The following CNTN5 variants were observed in gnomAD, a reference collection of about 807,000 sequenced individuals.
CNTN5 encodes contactin 5.
In CNTN5, 77 loss-of-function variants were observed where a neutral mutation model predicts 129.1. The ratio of observed to expected loss-of-function variants is 0.60; its 90% confidence interval spans 0.50 to 0.72. The LOEUF is 0.72. Among genes scored for constraint, CNTN5 ranks in the 30% least tolerant of loss-of-function variants. The probability of loss-of-function intolerance (pLI) is 0.00; values close to 1 mark genes in which losing one functional copy is unlikely to be tolerated. For missense variants in CNTN5, 1,478 were observed against 1,328.8 expected (o/e 1.11, Z -1.75); for synonymous variants, 509 against 465.6 (o/e 1.09, Z -1.20).
chr11:99,884,852 T>C (rs550227155), intron 6 of CNTN5, among the ~76,000 whole-genome samples: 2 of 152,032 alleles, frequency 1.3e-5, no homozygotes, highest in African/African-American at 4.8e-5. Flanking sequence ...TGGCATGTGC[T>C]TGTAGTCCCA....
At chr11:99,557,031 A>T (rs78857265) in intron 3 of CNTN5, among the ~76,000 whole-genome samples, 3,037 of 151,342 alleles carry the variant, frequency 0.02, 111 homozygotes, top group African/African-American at 0.069. Flanking sequence ...ATTATATTTA[A>T]ATCAGTACCT....
At chr11:99,602,887 C>T (rs368737788) in intron 3 of CNTN5, among the ~76,000 whole-genome samples, 2 of 129,094 alleles carry the variant, frequency 1.5e-5, no homozygotes, top group Non-Finnish European at 3.3e-5. Context: ...AGCTGAGGGT[C>T]CTGTCTGTTA....
chr11:99,625,942 A>T (rs1951116478), intron 3 of CNTN5, among the ~76,000 whole-genome samples: 1 of 151,600 alleles, frequency 6.6e-6, no homozygotes, highest in Non-Finnish European at 1.5e-5. Context: ...ACACACACAC[A>T]CATAAATCTA....
Position 99,315,110 on chromosome 11 carries a change from C to A in CNTN5, c.-209-10236C>A, listed in dbSNP as rs1439971970. On this transcript the variant is annotated intron_variant, in intron 1 of 24. Coordinates refer to ENST00000524871, the MANE Select transcript of CNTN5 (RefSeq NM_014361.4). ...AGAAGACATTGATATTTATTCTAGG[C>A]AGAGTGATGAATACCCTCTAGTAGT... Among the ~76,000 whole-genome samples, 7 of 148,988 alleles carry A rather than the reference C, an allele frequency of 4.7e-5. 1 individual carries two copies. The highest frequency in any genetic ancestry group is 9.0e-5 in the Non-Finnish European group (6 of 66,570).
chr11:99,658,178 A>G (rs1468810091), intron 3 of CNTN5, among the ~76,000 whole-genome samples: 1 of 152,188 alleles, frequency 6.6e-6, no homozygotes, highest in Non-Finnish European at 1.5e-5. Context: ...TCAGGTTGCA[A>G]CAAGTAATCT....
intron 21 of CNTN5, among the ~76,000 whole-genome samples, chr11:100,310,910 A>T (rs1951458049): frequency 6.6e-6 from 1 of 151,974 alleles, no homozygotes; most frequent in African/African-American, 2.4e-5. Flanking sequence ...GAGCAGGATG[A>T]TGATGAAGAG....
intron 2 of CNTN5, among the ~76,000 whole-genome samples, chr11:99,546,372 C>G (rs1470524319): frequency 1.3e-5 from 2 of 152,058 alleles, no homozygotes; most frequent in African/African-American, 4.8e-5. Flanking sequence ...AATACATATT[C>G]AAAAGGATAC....
chr11:99,881,651 T>TA (rs1196463078), intron 6 of CNTN5, among the ~76,000 whole-genome samples: 1 of 152,076 alleles, frequency 6.6e-6, no homozygotes, highest in South Asian at 2.1e-4. Flanking sequence ...TAAAATAAAA[T>TA]AAAGGGGGGG....
At chr11:99,726,275 G>A (rs978122232) in intron 3 of CNTN5, among the ~76,000 whole-genome samples, 2 of 152,164 alleles carry the variant, frequency 1.3e-5, no homozygotes, top group Non-Finnish European at 2.9e-5. Context: ...TGTGTAGTCT[G>A]TGCTTTTTGT....
intron 13 of CNTN5, among the ~76,000 whole-genome samples, chr11:100,183,484 T>G (rs1329908945): frequency 3.9e-5 from 6 of 152,130 alleles, no homozygotes; most frequent in African/African-American, 1.4e-4. Flanking sequence ...TTATGCCAAG[T>G]GAAATAAACT....
chr11:99,318,668 C>A (rs1305333362), intron 1 of CNTN5, among the ~76,000 whole-genome samples: 2 of 151,968 alleles, frequency 1.3e-5, no homozygotes, highest in Non-Finnish European at 2.9e-5. Context: ...TCACCTGGCT[C>A]CTGCTCCCAC....
At chr11:99,823,923 T>C (rs1489736333) in intron 4 of CNTN5, among the ~76,000 whole-genome samples, 2 of 152,084 alleles carry the variant, frequency 1.3e-5, no homozygotes, top group South Asian at 2.1e-4. Flanking sequence ...TGATACTGTG[T>C]ATATCAGTCA....
intron 2 of CNTN5, among the ~76,000 whole-genome samples, chr11:99,341,929 T>G (rs1013734930): frequency 2.0e-5 from 3 of 152,140 alleles, no homozygotes; most frequent in African/African-American, 7.2e-5. Flanking sequence ...AAAACACTGA[T>G]GTAATTAGCA....
intron 9 of CNTN5, among the ~76,000 whole-genome samples, chr11:100,044,567 TC>T (rs1942565680): frequency 6.6e-6 from 1 of 152,026 alleles, no homozygotes; most frequent in African/African-American, 2.4e-5. Context: ...TTTGCATTGA[TC>T]TGATGCCTAG....
intron 2 of CNTN5, among the ~76,000 whole-genome samples, chr11:99,469,744 A>T (rs927419026): frequency 1.3e-5 from 2 of 151,432 alleles, no homozygotes; most frequent in East Asian, 3.9e-4. Context: ...AAATTTTTAA[A>T]TTTTTTTTTG....
chr11:99,067,653 T>C (rs1162472793), intron 1 of CNTN5, among the ~76,000 whole-genome samples: 1 of 152,148 alleles, frequency 6.6e-6, no homozygotes, highest in Non-Finnish European at 1.5e-5. Context: ...CAAGGGAAAC[T>C]TCATTAGATC....
In CNTN5 at chr11:99,590,507, A is replaced by G. The variant is rs536683777; in HGVS notation, c.55+34238A>G. Among the ~76,000 whole-genome samples, 127 of 152,400 alleles carry G rather than the reference A, an allele frequency of 8.3e-4. 1 individual carries two copies. Among genetic ancestry groups the G allele is most frequent in the Non-Finnish European group, 1.0e-3 (70 of 68,044 alleles). ...GACAATATTTCCAAGTAGATAACAC[A>G]GTACTTGATATAATAGAAATATCTG... is the stretch of plus-strand genomic sequence containing the variant. On this transcript the variant is annotated intron_variant, in intron 3 of 24. Transcript: ENST00000524871.
chr11:100,004,701 T>C (rs1158176640), intron 9 of CNTN5, among the ~76,000 whole-genome samples: 1 of 152,082 alleles, frequency 6.6e-6, no homozygotes, highest in Non-Finnish European at 1.5e-5. Context: ...CAATGACTCA[T>C]TGTCATGTGT....
At chr11:100,323,605 TTTTC>T (rs1951736413) in intron 21 of CNTN5, among the ~76,000 whole-genome samples, 1 of 151,256 alleles carries the variant, frequency 6.6e-6, no homozygotes, top group South Asian at 2.1e-4. Flanking sequence ...CTGTGGGATA[TTTTC>T]TTTCTGTCAG....
Sources: allele counts gnomAD v4.1 joint callset (sites outside exome capture counted in the v4.1 genomes callset), GRCh38; gene constraint gnomAD v4.1.1; transcripts MANE v1.5; gene names NCBI Gene and HGNC (gene_info 2026-07-23, HGNC 2026-07-21).